Variants in PCDHGB4 observed in about 807,000 individuals in gnomAD.
The protein encoded by PCDHGB4 is protocadherin gamma-B4.
Under a neutral mutation model 60.5 loss-of-function variants are expected in PCDHGB4, and 38 were observed. The observed-to-expected ratio is 0.63, with a 90% CI of 0.48 to 0.82. PCDHGB4 has a LOEUF of 0.82. Ranked by LOEUF, PCDHGB4 falls within the 40% of genes least tolerant of loss-of-function variation. The pLI is 0.00. For synonymous variants in PCDHGB4, 456 were observed against 509.7 expected, an observed-to-expected ratio of 0.89 and a Z score of 1.42; for missense variants, 1,109 against 1,209.6, an observed-to-expected ratio of 0.92 and a Z score of 1.23.
At position 141,491,381 on chromosome 5, in the gene PCDHGB4, C is replaced by CT. The variant is rs1554177905; in HGVS notation, c.2398-3426_2398-3425insT. The CT allele has an allele frequency of 2.8e-5, 45 of 1,614,068 alleles. No individual in the cohort carries two copies. Among genetic ancestry groups the CT allele is most frequent in the Non-Finnish European group, 3.5e-5 (41 of 1,179,950 alleles). On this transcript the variant is annotated intron_variant, in intron 1 of 3. Coordinates refer to ENST00000519479, the MANE Select transcript of PCDHGB4 (RefSeq NM_003736.4). This position sits in a 1 kb window ranked among gnomAD's most constrained non-coding sequence, Gnocchi z 6.9. ...CTAGTCACCTTCACCTTTCTGTCAG[C>CT]GAAGTGCCTTCAGGGAAACGCAGAC...
At position 141,489,910 on chromosome 5, in the gene PCDHGB4, G is replaced by T; in HGVS notation, c.2398-4897G>T. ...GGATGGGGGGACCCCAGCCCGCTCA[G>T]GGACCACCCTTATCTCTGTCATCGT... On this transcript the variant is annotated intron_variant, in intron 1 of 3. Transcript: ENST00000519479. This position sits in a 1 kb window ranked among gnomAD's most constrained non-coding sequence, Gnocchi z 4.5. 1 of 1,614,226 alleles carries T rather than the reference G, an allele frequency of 6.2e-7. No homozygotes were observed. The highest frequency in any genetic ancestry group is 8.5e-7 in the Non-Finnish European group (1 of 1,180,030).
Position 141,491,757 on chromosome 5 carries a change from C to G in PCDHGB4, c.2398-3050C>G. ...CTGGGGGCGGCACTGGAGAAGCCGC[C>G]CGTCCTCATAAGGGATTGAACTTGC... On this transcript the variant is annotated intron_variant, in intron 1 of 3. Coordinates refer to ENST00000519479, the MANE Select transcript of PCDHGB4 (RefSeq NM_003736.4). This position sits in a 1 kb window ranked among gnomAD's most constrained non-coding sequence, Gnocchi z 6.9. 1 of 1,580,374 alleles carries G rather than the reference C, an allele frequency of 6.3e-7. No individual in the cohort carries two copies. The highest frequency in any genetic ancestry group is 1.9e-5 in the Admixed American group (1 of 53,534).
At chr5:141,428,129 C>G (rs1449809875) in intron 1 of PCDHGB4, 1 of 1,603,218 alleles carries the variant, frequency 6.2e-7, no homozygotes, top group Non-Finnish European at 8.5e-7. Context: ...CCGGGCTTTT[C>G]AGCCTGGGGC....
chr5:141,403,749 C>T (rs759577178), intron 1 of PCDHGB4: 2 of 1,613,652 alleles, frequency 1.2e-6, no homozygotes, highest in Non-Finnish European at 1.7e-6. Context: ...ACTGCAACAG[C>T]CAGCGACCTG....
rs1594492695 is a variant in PCDHGB4 at position 141,485,536 on chromosome 5, A to G, written c.2398-9271A>G. On this transcript the variant is annotated intron_variant, in intron 1 of 3. Transcript: ENST00000519479. The surrounding 1 kb of genome is among the most constrained non-coding windows in gnomAD (Gnocchi z 5.7). ...CTTTGGAAATGTACCGAGCAGAGGTAGAGATCGTAGATGTGAATGATCACG... is the reference window on the plus strand; with the variant it reads ...CTTTGGAAATGTACCGAGCAGAGGTGGAGATCGTAGATGTGAATGATCACG... 3 of 1,613,976 alleles carry G rather than the reference A, an allele frequency of 1.9e-6. No homozygotes were observed. The highest frequency in any genetic ancestry group is 2.5e-6 in the Non-Finnish European group (3 of 1,179,946).
At position 141,431,262 on chromosome 5, in the gene PCDHGB4, A is replaced by G. The variant is rs371663018; in HGVS notation, c.2397+40981A>G. The stretch of plus-strand genomic sequence containing the variant: ...CCGGATATCGGGAAGAACTCTCTGC[A>G]GAGCTACGAGCTCAGCCCGAACACT... On this transcript the variant is annotated intron_variant, in intron 1 of 3. Coordinates refer to ENST00000519479, the MANE Select transcript of PCDHGB4 (RefSeq NM_003736.4). The surrounding 1 kb of genome is among the most constrained non-coding windows in gnomAD (Gnocchi z 4.8). The G allele has an allele frequency of 2.6e-5, 42 of 1,614,184 alleles. No homozygotes were observed. In the African/African-American group the frequency reaches 2.7e-4, roughly 10 times the overall value.
chr5:141,454,232 G>T (rs2098784520), intron 1 of PCDHGB4, among the ~76,000 whole-genome samples: 1 of 152,146 alleles, frequency 6.6e-6, no homozygotes, highest in African/African-American at 2.4e-5. Context: ...TAATTGTGAT[G>T]AAAAGGATGA....
intron 1 of PCDHGB4, among the ~76,000 whole-genome samples, chr5:141,438,591 C>CATACAT (rs1228520343): frequency 1.3e-5 from 1 of 75,562 alleles, no homozygotes; most frequent in Non-Finnish European, 2.7e-5. Flanking sequence ...TACATACATA[C>CATACAT]ATATATATAT....
intron 1 of PCDHGB4, chr5:141,441,669 T>C: frequency 3.5e-6 from 1 of 287,870 alleles, no homozygotes; most frequent in Non-Finnish European, 6.8e-6. Context: ...GAGCGCACAG[T>C]GCGCCTTCGA....
chr5:141,439,709 A>G (rs2098127560), intron 1 of PCDHGB4: 1 of 152,540 alleles, frequency 6.6e-6, no homozygotes, highest in African/African-American at 2.4e-5. Context: ...TATGGCTCCT[A>G]GTTCTACAAA....
At chr5:141,415,074 G>A (rs745950404) in intron 1 of PCDHGB4, 4 of 1,613,448 alleles carry the variant, frequency 2.5e-6, no homozygotes, top group East Asian at 2.2e-5. Flanking sequence ...TGCGCACGGC[G>A]CGAGCCCTGC....
chr5:141,421,047 C>G, intron 1 of PCDHGB4: 1 of 552,794 alleles, frequency 1.8e-6, no homozygotes, highest in Middle Eastern at 4.8e-4. Flanking sequence ...CCTCCCCCGC[C>G]TCTACCACAC....
At chr5:141,456,148 C>T (rs1408257938) in intron 1 of PCDHGB4, among the ~76,000 whole-genome samples, 13 of 152,078 alleles carry the variant, frequency 8.5e-5, no homozygotes, top group African/African-American at 3.1e-4. Flanking sequence ...CCGCCCGCCT[C>T]GGCCTCCTAA....
chr5:141,423,574 C>T (rs953989787), intron 1 of PCDHGB4: 2 of 1,613,328 alleles, frequency 1.2e-6, no homozygotes, highest in Non-Finnish European at 1.7e-6. Flanking sequence ...GCTCATCAGC[C>T]AGGAGAGCTG....
At position 141,409,757 on chromosome 5, in the gene PCDHGB4, G is replaced by A; in HGVS notation, c.2397+19476G>A. The A allele has an allele frequency of 6.8e-6, 11 of 1,612,986 alleles. No individual in the cohort carries two copies. The highest frequency in any genetic ancestry group is 9.3e-6 in the Non-Finnish European group (11 of 1,179,838). ...GAGCGGGGTGGTGTTCGCGCAGCGCGCCTTTGATCACGAGCAGCTGCGCGC... is the reference window on the plus strand; with the variant it reads ...GAGCGGGGTGGTGTTCGCGCAGCGCACCTTTGATCACGAGCAGCTGCGCGC... On this transcript the variant is annotated intron_variant, in intron 1 of 3. Coordinates refer to ENST00000519479, the MANE Select transcript of PCDHGB4 (RefSeq NM_003736.4).
chr5:141,446,222 G>C (rs74509878), intron 1 of PCDHGB4, among the ~76,000 whole-genome samples: 7,034 of 152,204 alleles, frequency 0.046, 244 homozygotes, highest in African/African-American at 0.093. Flanking sequence ...ATATTGTTGT[G>C]TTGCCTGGCA....
chr5:141,400,236 G>C (rs1195592972), intron 1 of PCDHGB4: 6 of 1,613,868 alleles, frequency 3.7e-6, no homozygotes, highest in African/African-American at 1.3e-5. Flanking sequence ...TCCTGGCCGT[G>C]ATTCTGGCCG....
At position 141,413,407 on chromosome 5, in the gene PCDHGB4, C is replaced by G. The variant is rs372466798; in HGVS notation, c.2397+23126C>G. The G allele has an allele frequency of 3.3e-5, 53 of 1,613,926 alleles. No homozygotes were observed. Among genetic ancestry groups the G allele is most frequent in the Middle Eastern group, 1.6e-4 (1 of 6,082 alleles). ...CATAGTCTCCAGAGGTAGGACGCAG[C>G]TTTTCTCTCTGAACCCGCGCAGCGG... On this transcript the variant is annotated intron_variant, in intron 1 of 3. Transcript: ENST00000519479.
chr5:141,505,294 G>A, intron 2 of PCDHGB4, 99 bp from the exon 3 acceptor site: 1 of 1,572,086 alleles, frequency 6.4e-7, no homozygotes, highest in Non-Finnish European at 8.6e-7. Flanking sequence ...GCATGGGGTA[G>A]GGTTAGGGTA....
Sources: gnomAD v4.1 joint callset for allele counts (sites outside exome capture counted in the v4.1 genomes callset) on GRCh38, gnomAD v4.1.1 for gene constraint, Gnocchi (gnomAD v3.1) non-coding constraint, MANE v1.5 for transcripts, NCBI Gene and HGNC (gene_info 2026-07-23, HGNC 2026-07-21) for gene names.